The following ZZEF1 variants were observed in gnomAD, a reference collection of about 807,000 sequenced individuals.
The protein encoded by ZZEF1 is zinc finger ZZ-type and EF-hand domain containing 1.
A neutral mutation model predicts 342.8 loss-of-function variants in ZZEF1; 157 were observed. That is an observed-to-expected ratio of 0.46 (90% CI 0.40 to 0.52). The LOEUF is 0.52. Among genes scored for constraint, ZZEF1 ranks in the 20% least tolerant of loss-of-function variants. ZZEF1 has a pLI of 0.00. For missense variants in ZZEF1, 3,480 were observed against 3,725.6 expected, an observed-to-expected ratio of 0.93 and a Z score of 1.72; for synonymous variants, 1,505 against 1,429.1, an observed-to-expected ratio of 1.05 and a Z score of -1.20.
intron 39 of ZZEF1, among the ~76,000 whole-genome samples, chr17:4,034,881 C>A (rs1050521193): frequency 5.9e-5 from 9 of 152,012 alleles, no homozygotes; most frequent in African/African-American, 1.9e-4. Flanking sequence ...GCCTGTAGTC[C>A]CAGCTACTTG....
At position 4,077,928 on chromosome 17, in the gene ZZEF1, T is replaced by C. The variant is rs1023367661; in HGVS notation, c.2944A>G (p.Thr982Ala). The change falls in exon 19 of 55, where the codon ACG (threonine) becomes GCG (alanine). Residue 982 changes from threonine to alanine, a missense_variant. Thr to Ala is a moderately conservative substitution (Grantham distance 58). Coordinates refer to ENST00000381638, the MANE Select transcript of ZZEF1 (RefSeq NM_015113.4). Reference protein sequence around the residue: ...LSWCYLQLKSTDSGAKDLAVD... With the variant: ...LSWCYLQLKSADSGAKDLAVD... ...GCAAGATCTTTGGCTCCAGAGTCCG[T>C]GCTCTTCAGCTGCAGGTAGCACCAG... The C allele has an allele frequency of 2.2e-5, 36 of 1,614,184 alleles. 1 individual carries two copies. The highest frequency in any genetic ancestry group is 3.0e-5 in the Non-Finnish European group (35 of 1,180,026).
At chr17:4,115,592 G>A (rs1020569356) in intron 3 of ZZEF1, among the ~76,000 whole-genome samples, 1 of 152,182 alleles carries the variant, frequency 6.6e-6, no homozygotes, top group Non-Finnish European at 1.5e-5. Flanking sequence ...AAACCTGGGA[G>A]GTGAAGGTTT....
intron 1 of ZZEF1, among the ~76,000 whole-genome samples, chr17:4,127,646 C>A (rs1024602834): frequency 6.6e-6 from 1 of 152,058 alleles, no homozygotes; most frequent in Admixed American, 6.6e-5. Context: ...TGTATTCTCT[C>A]GAGAGCAGTA....
At position 4,010,674 on chromosome 17, in the gene ZZEF1, G is replaced by A. The variant is rs182105082; in HGVS notation, c.8580-917C>T. 2.1e-4 allele frequency among the ~76,000 whole-genome samples: 25 copies of A among 120,770 alleles called. No individual in the cohort carries two copies. In the Admixed American group the frequency reaches 2.9e-3, roughly 14 times the overall value. 79.2% of individuals were successfully genotyped at this position (120,770 alleles called of 152,430 possible). ...CTGAAGGTGGAGGTTGCAGTGGGCT[G>A]AGATCACATCACTGCACTTCAGCCC... On this transcript the variant is annotated intron_variant, in intron 52 of 54. Transcript: ENST00000381638.
At chr17:4,030,625 C>A (rs2056521402) in intron 42 of ZZEF1, among the ~76,000 whole-genome samples, 1 of 152,176 alleles carries the variant, frequency 6.6e-6, no homozygotes, top group African/African-American at 2.4e-5. Context: ...ACATCAGCCT[C>A]CCAGGTAGCT....
chr17:4,028,592 T>G (rs2145030968), intron 42 of ZZEF1, among the ~76,000 whole-genome samples: 1 of 150,654 alleles, frequency 6.6e-6, no homozygotes, highest in South Asian at 2.1e-4. Context: ...TCTTGATAAC[T>G]GCAATAAATG....
intron 52 of ZZEF1, among the ~76,000 whole-genome samples, chr17:4,012,021 C>T (rs2055973718): frequency 6.6e-6 from 1 of 152,240 alleles, no homozygotes; most frequent in South Asian, 2.1e-4. Context: ...GGAGTTCCCT[C>T]CGGGCTCGGG....
chr17:4,110,004 T>G (rs143691015), intron 5 of ZZEF1, 141 bp from the exon 6 acceptor site: 1 of 699,546 alleles, frequency 1.4e-6, no homozygotes, highest in Admixed American at 2.8e-5. Context: ...ATAAATAGCA[T>G]GTGCAATGGA....
At chr17:4,078,210 G>A (rs750394597) in intron 18 of ZZEF1, among the ~76,000 whole-genome samples, 168 bp from the exon 19 acceptor site, 20 of 152,112 alleles carry the variant, frequency 1.3e-4, no homozygotes, top group Non-Finnish European at 2.5e-4. Flanking sequence ...ATGGTATTAC[G>A]AAAACTCCCC....
chr17:4,058,304 C>A, intron 31 of ZZEF1, 149 bp from the exon 32 acceptor site: 1 of 796,866 alleles, frequency 1.3e-6, no homozygotes, highest in Non-Finnish European at 2.0e-6. Context: ...TCCTCATACT[C>A]CACACAAACA....
At chr17:4,076,393 A>G (rs1484797918) in intron 21 of ZZEF1, 2 of 288,420 alleles carry the variant, frequency 6.9e-6, no homozygotes, top group South Asian at 7.7e-5. Context: ...TCGGCCTCCC[A>G]AAGTGCTGGG....
intron 6 of ZZEF1, among the ~76,000 whole-genome samples, chr17:4,107,229 C>A (rs943461211): frequency 2.6e-5 from 4 of 152,176 alleles, no homozygotes; most frequent in Non-Finnish European, 5.9e-5. Flanking sequence ...ATGAAAATAT[C>A]ATTGCAGATG....
At chr17:4,049,412 T>C (rs2056996409) in intron 37 of ZZEF1, among the ~76,000 whole-genome samples, 2 of 151,968 alleles carry the variant, frequency 1.3e-5, no homozygotes, top group South Asian at 4.2e-4. Context: ...CTCAGAAGGA[T>C]GAAGTGGGAG....
intron 4 of ZZEF1, among the ~76,000 whole-genome samples, chr17:4,113,696 G>A (rs1437937097): frequency 1.3e-5 from 2 of 150,958 alleles, no homozygotes; most frequent in African/African-American, 2.4e-5. Flanking sequence ...GAAAGGGACC[G>A]GGTGCAGTGG....
chr17:4,007,116 T>A, intron 54 of ZZEF1, 146 bp from the exon 55 acceptor site: 1 of 682,210 alleles, frequency 1.5e-6, no homozygotes, highest in Non-Finnish European at 2.4e-6. Flanking sequence ...GCCTGCAGAG[T>A]GGAGAGAGAA....
intron 14 of ZZEF1, 83 bp downstream of exon 14, chr17:4,087,351 T>A: frequency 2.6e-6 from 3 of 1,134,748 alleles, no homozygotes; most frequent in African/African-American, 1.6e-5. Context: ...AAAAAAAAAA[T>A]TAGGAAAAAA....
In ZZEF1 at chr17:4,019,775, G is replaced by A. The variant is rs140697098; in HGVS notation, c.7405-6C>T. 86 of 1,601,446 alleles carry A rather than the reference G, an allele frequency of 5.4e-5. No homozygotes were observed. In the African/African-American group the frequency reaches 9.6e-4, roughly 18 times the overall value. On this transcript the variant is annotated splice_region_variant and splice_polypyrimidine_tract_variant and intron_variant, in intron 45 of 54. Transcript: ENST00000381638. ...TTGAGGGCATCATGAGCCATCTGGAGGCCAGGGGAGGACGCAGACAAGAAC... is the reference window on the plus strand; with the variant it reads ...TTGAGGGCATCATGAGCCATCTGGAAGCCAGGGGAGGACGCAGACAAGAAC...
In ZZEF1 at chr17:4,114,450, T is replaced by C. The variant is rs766449688; in HGVS notation, c.715A>G (p.Arg239Gly). 1.0e-4 allele frequency: 163 copies of C among 1,580,252 alleles called. No homozygotes were observed. Among genetic ancestry groups the C allele is most frequent in the East Asian group, 1.9e-4 (8 of 43,044 alleles). ...TTGAGTTTATCCATCTCTGGACTTC[T>C]AGTTAGATCTCCAGGGCTTTCTGTA... ...KEKESPGDLTRSPEMDKLKSV... is the reference protein window; with the variant it reads ...KEKESPGDLTGSPEMDKLKSV... Residue 239 changes from arginine to glycine, a missense_variant, in exon 4 of 55, where the codon AGA becomes GGA. Physicochemically the swap from Arg to Gly is moderately radical, Grantham distance 125. Around this residue, in one of 5 missense-constraint regions of ZZEF1, gnomAD observed 416 missense variants for 374.2 expected, o/e 1.11. Transcript: ENST00000381638.
At chr17:4,085,957 AT>A (rs1481757553) in intron 15 of ZZEF1, among the ~76,000 whole-genome samples, 154 bp from the exon 16 acceptor site, 1 of 150,688 alleles carries the variant, frequency 6.6e-6, no homozygotes, top group African/African-American at 2.4e-5. Flanking sequence ...ATAAAAAAAT[AT>A]TTTTTATTTG....
Sources: gnomAD v4.1 joint callset for allele counts (sites outside exome capture counted in the v4.1 genomes callset) on GRCh38, gnomAD v4.1.1 for gene constraint, gnomAD v4.1.1 regional missense constraint, MANE v1.5 for transcripts, NCBI Gene and HGNC (gene_info 2026-07-23, HGNC 2026-07-21) for gene names.